Variants in IQCK observed in about 807,000 individuals in gnomAD.
IQCK encodes the protein IQ domain-containing protein K.
In IQCK, 29 loss-of-function variants were observed where a neutral mutation model predicts 28.1. The observed-to-expected ratio is 1.03, with a 90% CI of 0.77 to 1.41. The LOEUF (loss-of-function observed/expected upper bound fraction) is 1.41, where lower values mean the gene tolerates loss of function less well. Among genes scored for constraint, IQCK ranks in the 40% most tolerant of loss-of-function variants. The pLI, the probability that IQCK is intolerant of heterozygous loss-of-function variation, is 0.00. For synonymous variants in IQCK, 113 were observed against 115.1 expected (o/e 0.98, Z 0.12); for missense variants, 359 against 314.7 (o/e 1.14, Z -1.07).
intron 7 of IQCK, among the ~76,000 whole-genome samples, chr16:19,803,835 T>TG (rs957500646): frequency 1.1e-4 from 16 of 151,862 alleles, no homozygotes; most frequent in East Asian, 7.8e-4. Context: ...TTTGTAGAGA[T>TG]GGGGGTCTCA....
intron 1 of IQCK, among the ~76,000 whole-genome samples, chr16:19,721,902 T>G (rs891135251): frequency 6.6e-6 from 1 of 152,122 alleles, no homozygotes; most frequent in African/African-American, 2.4e-5. Context: ...TTTGATATGC[T>G]GTGATTACTG....
intron 7 of IQCK, among the ~76,000 whole-genome samples, chr16:19,803,839 G>T (rs1021886025): frequency 6.6e-6 from 1 of 151,888 alleles, no homozygotes; most frequent in Non-Finnish European, 1.5e-5. Flanking sequence ...TAGAGATGGG[G>T]GTCTCACTAT....
At chr16:19,837,990 A>G (rs1272865271) in intron 9 of IQCK, among the ~76,000 whole-genome samples, 1 of 152,260 alleles carries the variant, frequency 6.6e-6, no homozygotes, top group East Asian at 1.9e-4. Context: ...TACCAGCTAC[A>G]TGGACCTTGT....
intron 4 of IQCK, among the ~76,000 whole-genome samples, chr16:19,750,893 G>A (rs976670553): frequency 2.6e-5 from 4 of 152,186 alleles, no homozygotes; most frequent in African/African-American, 9.6e-5. Flanking sequence ...GACAGTCTGC[G>A]AGGAAGAGGT....
intron 4 of IQCK, among the ~76,000 whole-genome samples, chr16:19,748,308 T>C (rs2054940898): frequency 6.6e-6 from 1 of 152,140 alleles, no homozygotes; most frequent in Non-Finnish European, 1.5e-5. Context: ...CTTCTGACTT[T>C]AGGTGATCCG....
chr16:19,726,901 A>C (rs1021405810), intron 1 of IQCK, among the ~76,000 whole-genome samples: 1 of 152,204 alleles, frequency 6.6e-6, no homozygotes, highest in Non-Finnish European at 1.5e-5. Flanking sequence ...TGGGAGGCCA[A>C]GGTGGGCAGA....
chr16:19,781,064 G>T (rs977564394), intron 6 of IQCK, among the ~76,000 whole-genome samples: 1 of 152,154 alleles, frequency 6.6e-6, no homozygotes, highest in African/African-American at 2.4e-5. Flanking sequence ...TAGGTGGTCT[G>T]CTCTTCTGAA....
exon 5 of IQCK, chr16:19,763,871 C>T: frequency 6.2e-7 from 1 of 1,613,646 alleles, no homozygotes; most frequent in Non-Finnish European, 8.5e-7. Flanking sequence ...AATTCATTGC[C>T]TGTGATTTTC....
At chr16:19,725,955 AC>A (rs1310475441) in intron 1 of IQCK, among the ~76,000 whole-genome samples, 2 of 149,628 alleles carry the variant, frequency 1.3e-5, no homozygotes, top group Admixed American at 1.3e-4. Flanking sequence ...TCACTCTGTC[AC>A]CCAGGCTGGA....
At chr16:19,733,719 C>G in exon 3 of IQCK, 1 of 1,614,170 alleles carries the variant, frequency 6.2e-7, no homozygotes, top group Non-Finnish European at 8.5e-7. Flanking sequence ...AGAGGAAATG[C>G]TTTTTCATGG....
At chr16:19,850,708 A>G (rs2056471484) in intron 9 of IQCK, among the ~76,000 whole-genome samples, 1 of 152,114 alleles carries the variant, frequency 6.6e-6, no homozygotes, top group African/African-American at 2.4e-5. Context: ...AGGGCAAAGA[A>G]TATGCCCTAA....
At chr16:19,822,999 G>T (rs1350900667) in intron 7 of IQCK, among the ~76,000 whole-genome samples, 2 of 152,148 alleles carry the variant, frequency 1.3e-5, no homozygotes, top group African/African-American at 4.8e-5. Context: ...GGGGATAGAC[G>T]AGAGGGAATG....
intron 4 of IQCK, among the ~76,000 whole-genome samples, chr16:19,762,327 C>T (rs1380920884): frequency 6.6e-6 from 1 of 152,160 alleles, no homozygotes; most frequent in African/African-American, 2.4e-5. Context: ...GGCACTTAGA[C>T]CCGAAGGACT....
chr16:19,777,351 T>C (rs1043297406), intron 6 of IQCK, among the ~76,000 whole-genome samples: 2 of 152,090 alleles, frequency 1.3e-5, no homozygotes, highest in African/African-American at 2.4e-5. Flanking sequence ...ATAGTGGAAC[T>C]GAAAATGCTC....
At chr16:19,803,711 G>A (rs944537692) in intron 7 of IQCK, among the ~76,000 whole-genome samples, 2 of 152,104 alleles carry the variant, frequency 1.3e-5, no homozygotes, top group Admixed American at 1.3e-4. Context: ...GAAGTGCAGT[G>A]GTGCAATCAT....
chr16:19,760,902 G>A (rs1389396861), intron 4 of IQCK, among the ~76,000 whole-genome samples: 1 of 152,164 alleles, frequency 6.6e-6, no homozygotes, highest in African/African-American at 2.4e-5. Flanking sequence ...GATTATTCAT[G>A]CCTCCCATGT....
At chr16:19,844,943 G>C (rs1386958564) in intron 9 of IQCK, among the ~76,000 whole-genome samples, 2 of 152,090 alleles carry the variant, frequency 1.3e-5, no homozygotes, top group Non-Finnish European at 2.9e-5. Context: ...CTAGTAGCTG[G>C]GACTACAGGC....
chr16:19,836,072 C>T (rs1248837313), intron 9 of IQCK, among the ~76,000 whole-genome samples: 1 of 152,198 alleles, frequency 6.6e-6, no homozygotes, highest in South Asian at 2.1e-4. Flanking sequence ...TACATTTTCT[C>T]TACTTGTAAA....
intron 6 of IQCK, among the ~76,000 whole-genome samples, chr16:19,785,068 G>A (rs1051929644): frequency 2.0e-5 from 3 of 152,154 alleles, no homozygotes; most frequent in African/African-American, 7.2e-5. Context: ...ACGGCGCCCC[G>A]CCTCAATAAC....
Sources: allele counts gnomAD v4.1 joint callset (sites outside exome capture counted in the v4.1 genomes callset), GRCh38; gene constraint gnomAD v4.1.1; transcripts MANE v1.5; gene names NCBI Gene and HGNC (gene_info 2026-07-23, HGNC 2026-07-21).